The following MBD5 variants were observed in gnomAD, a reference collection of about 807,000 sequenced individuals.
MBD5 encodes methyl-CpG-binding domain protein 5.
Under a neutral mutation model 117.3 loss-of-function variants are expected in MBD5, and 13 were observed. The observed-to-expected ratio is 0.11, with a 90% CI of 0.07 to 0.18. The LOEUF (loss-of-function observed/expected upper bound fraction) is 0.18, where lower values mean the gene tolerates loss of function less well. Ranked by LOEUF, MBD5 falls within the 10% of genes least tolerant of loss-of-function variation. The pLI is 1.00. For missense variants in MBD5, 1,879 were observed against 2,093.8 expected, an observed-to-expected ratio of 0.90 and a Z score of 2.00; for synonymous variants, 727 against 766.4, an observed-to-expected ratio of 0.95 and a Z score of 0.85.
intron 2 of MBD5, among the ~76,000 whole-genome samples, chr2:148,182,552 A>T (rs1437266538): frequency 6.6e-6 from 1 of 152,214 alleles, no homozygotes; most frequent in Non-Finnish European, 1.5e-5. Flanking sequence ...CTAAAATGAG[A>T]TGTGCATGTT....
chr2:148,153,102 G>A lies in MBD5; in HGVS notation c.-924-25598G>A, dbSNP rs772063625. Among the ~76,000 whole-genome samples the A allele has an allele frequency of 1.2e-4, 18 of 151,660 alleles. 1 individual carries two copies. The highest frequency in any genetic ancestry group is 6.3e-4 in the South Asian group (3 of 4,786). ...CCGATTATTCCTTTCCATGTTTAGC[G>A]CTTCCTTCAGGAGCTCTTTTAGGGC... On this transcript the variant is annotated intron_variant, in intron 1 of 13. Transcript: ENST00000642680.
rs529865092 is a variant in MBD5 at position 148,435,828 on chromosome 2, A to G, written c.-556-22375A>G. ...AAAGTTTTCATAGACAATATCCTCA[A>G]ATATGTTTTCAAGGTTGCTTGCTTT... is the stretch of plus-strand genomic sequence containing the variant. On this transcript the variant is annotated intron_variant, in intron 4 of 13. Coordinates refer to ENST00000642680, the MANE Select transcript of MBD5 (RefSeq NM_001378120.1). Among the ~76,000 whole-genome samples the G allele has an allele frequency of 9.8e-4, 149 of 152,278 alleles. 1 individual carries two copies. The highest frequency in any genetic ancestry group is 3.5e-3 in the African/African-American group (145 of 41,564).
intron 7 of MBD5, among the ~76,000 whole-genome samples, chr2:148,465,024 A>T (rs2105592854): frequency 6.6e-6 from 1 of 152,140 alleles, no homozygotes; most frequent in East Asian, 1.9e-4. Flanking sequence ...GCAATCAAAG[A>T]TTGTACACTG....
chr2:148,331,701 T>C (rs1040038925), intron 3 of MBD5, among the ~76,000 whole-genome samples: 6 of 152,064 alleles, frequency 3.9e-5, no homozygotes, highest in African/African-American at 7.2e-5. Flanking sequence ...TTTCAAGGCA[T>C]GAAAGATATA....
chr2:148,414,527 T>A (rs1425116328), intron 4 of MBD5, among the ~76,000 whole-genome samples: 1 of 152,124 alleles, frequency 6.6e-6, no homozygotes, highest in Non-Finnish European at 1.5e-5. Context: ...TTTAGTTTCC[T>A]CCTTGGTGAT....
At chr2:148,412,163 A>AG (rs1705272333) in intron 4 of MBD5, among the ~76,000 whole-genome samples, 1 of 151,916 alleles carries the variant, frequency 6.6e-6, no homozygotes, top group Non-Finnish European at 1.5e-5. Context: ...AAATGGTTGT[A>AG]GGTGTGCAGC....
At chr2:148,051,477 G>T (rs62182247) in intron 1 of MBD5, among the ~76,000 whole-genome samples, 1 of 151,078 alleles carries the variant, frequency 6.6e-6, no homozygotes, top group African/African-American at 2.4e-5. Flanking sequence ...AGAGGTGTGA[G>T]CAGACATCCT....
rs189133752 is a variant in MBD5 at position 148,318,479 on chromosome 2, C to G, written c.-679-23735C>G. ...TTTAGTTTAATTTAGTCCTATTTGT[C>G]TATTTTTCTTTTTCTGGCATTTGTC... On this transcript the variant is annotated intron_variant, in intron 3 of 13. Transcript: ENST00000642680. 2.2e-3 allele frequency among the ~76,000 whole-genome samples: 332 copies of G among 151,952 alleles called. 1 individual carries two copies. Among genetic ancestry groups the G allele is most frequent in the African/African-American group, 7.6e-3 (316 of 41,440 alleles).
intron 1 of MBD5, chr2:148,054,379 T>G (rs1045249618): frequency 6.6e-6 from 1 of 152,356 alleles, no homozygotes; most frequent in Non-Finnish European, 1.5e-5. Context: ...CTCTTTTATT[T>G]GTGCTTAACA....
chr2:148,239,002 T>C (rs7575333), intron 3 of MBD5, among the ~76,000 whole-genome samples: 45,707 of 125,746 alleles, frequency 0.36, 7,398 homozygotes, highest in South Asian at 0.54. Context: ...CTATCATATA[T>C]ATATATATAT....
At chr2:148,225,725 A>T (rs1316876349) in intron 2 of MBD5, among the ~76,000 whole-genome samples, 1 of 152,172 alleles carries the variant, frequency 6.6e-6, no homozygotes, top group Non-Finnish European at 1.5e-5. Flanking sequence ...TTCACTGAAT[A>T]TACCATTCTA....
chr2:148,447,059 AAG>A (rs1213728519), intron 4 of MBD5, among the ~76,000 whole-genome samples: 2 of 146,462 alleles, frequency 1.4e-5, no homozygotes, highest in Non-Finnish European at 3.1e-5. Context: ...GAAAGAGAGA[AAG>A]AAAGAAAGAA....
chr2:148,072,709 G>A lies in MBD5; in HGVS notation c.-925+51025G>A, dbSNP rs1573983392. 2.6e-5 allele frequency among the ~76,000 whole-genome samples: 4 copies of A among 152,142 alleles called. No homozygotes were observed. The South Asian group carries it at 8.3e-4, about 32-fold the overall frequency. ...AATGAGATCCTTAGTTTCTGTAAGAGGCTGCTGTGTTATGAATACATCAGA... is the reference window on the plus strand; with the variant it reads ...AATGAGATCCTTAGTTTCTGTAAGAAGCTGCTGTGTTATGAATACATCAGA... On this transcript the variant is annotated intron_variant, in intron 1 of 13. Coordinates refer to ENST00000642680, the MANE Select transcript of MBD5 (RefSeq NM_001378120.1).
intron 3 of MBD5, among the ~76,000 whole-genome samples, chr2:148,269,293 G>C (rs1558998656): frequency 6.6e-6 from 1 of 150,792 alleles, no homozygotes; most frequent in Non-Finnish European, 1.5e-5. Flanking sequence ...TTCAATGCTT[G>C]GTTTATATAT....
chr2:148,146,599 T>G (rs1008935935), intron 1 of MBD5, among the ~76,000 whole-genome samples: 2 of 152,162 alleles, frequency 1.3e-5, no homozygotes, highest in African/African-American at 4.8e-5. Context: ...TAATTTATAC[T>G]ATTTGAGTTT....
chr2:148,505,834 G>T (rs1682014606), intron 12 of MBD5, among the ~76,000 whole-genome samples: 2 of 152,274 alleles, frequency 1.3e-5, no homozygotes, highest in South Asian at 4.1e-4. Flanking sequence ...TTAAGAGGTT[G>T]GTTTTTCACC....
intron 4 of MBD5, among the ~76,000 whole-genome samples, chr2:148,425,564 C>T (rs1377241232): frequency 1.3e-5 from 2 of 152,146 alleles, no homozygotes; most frequent in Admixed American, 6.5e-5. Flanking sequence ...GATACCAAAA[C>T]CTGGCAGAGA....
chr2:148,514,192 G>T lies in MBD5; in HGVS notation c.*1251G>T, dbSNP rs1237666091. 2 of 152,068 alleles carry T rather than the reference G, an allele frequency of 1.3e-5. No individual in the cohort carries two copies. Among genetic ancestry groups the T allele is most frequent in the Non-Finnish European group, 2.9e-5 (2 of 68,010 alleles). 9.4% of individuals were successfully genotyped at this position (152,068 alleles called of 1,614,324 possible). On this transcript the variant is annotated 3_prime_UTR_variant, in exon 14 of 14. Transcript: ENST00000642680. ...ATATATATTAATGTGGCAAAAATGT[G>T]CAGGTTAAATCTATTAACCAAATTA...
At chr2:148,183,967 T>C (rs1483147267) in intron 2 of MBD5, among the ~76,000 whole-genome samples, 6 of 151,936 alleles carry the variant, frequency 3.9e-5, no homozygotes, top group Non-Finnish European at 8.8e-5. Flanking sequence ...AAAAATAAAA[T>C]CCATGATGTT....
Sources: gnomAD v4.1 joint callset for allele counts (sites outside exome capture counted in the v4.1 genomes callset) on GRCh38, gnomAD v4.1.1 for gene constraint, MANE v1.5 for transcripts, NCBI Gene and HGNC (gene_info 2026-07-23, HGNC 2026-07-21) for gene names.